The following PHF24 variants were observed in gnomAD, a reference collection of about 807,000 sequenced individuals.
PHF24 encodes the protein Galpha inhibitory interacting protein.
A neutral mutation model predicts 42.6 loss-of-function variants in PHF24; 25 were observed. The observed-to-expected ratio is 0.59, with a 90% CI of 0.43 to 0.82. The LOEUF is 0.82. PHF24 is among the 40% of genes least tolerant of loss of function. The probability of loss-of-function intolerance (pLI) is 0.00; values close to 1 mark genes in which losing one functional copy is unlikely to be tolerated. For synonymous variants in PHF24, 185 were observed against 204.8 expected, an observed-to-expected ratio of 0.90 and a Z score of 0.83; for missense variants, 470 against 538.1, an observed-to-expected ratio of 0.87 and a Z score of 1.25.
chr9:34,718,553 C>T, the PHF24 span, among the ~76,000 whole-genome samples: 1 of 152,238 alleles, frequency 6.6e-6, no homozygotes, highest in Non-Finnish European at 1.5e-5. Context: ...GCTATTCTGG[C>T]CCTTCCATCT....
chr9:34,800,312 G>GA, the PHF24 span, among the ~76,000 whole-genome samples: 1 of 152,018 alleles, frequency 6.6e-6, no homozygotes, highest in Non-Finnish European at 1.5e-5. Context: ...ATTTAGAATG[G>GA]AAAAAATCAT....
chr9:34,777,241 G>A, the PHF24 span, among the ~76,000 whole-genome samples: 2 of 152,150 alleles, frequency 1.3e-5, no homozygotes, highest in Non-Finnish European at 2.9e-5. Context: ...TAGGCTGGGT[G>A]GGTGGGGAGG....
At chr9:34,795,842 AG>A in the PHF24 span, among the ~76,000 whole-genome samples, 1 of 152,094 alleles carries the variant, frequency 6.6e-6, no homozygotes, top group Non-Finnish European at 1.5e-5. Context: ...ACAAAAAATA[AG>A]AAAAGGTATC....
At chr9:34,944,386 C>T in the PHF24 span, among the ~76,000 whole-genome samples, 1 of 152,192 alleles carries the variant, frequency 6.6e-6, no homozygotes, top group Non-Finnish European at 1.5e-5. Flanking sequence ...TTTTGTCTCC[C>T]TTATCAGGTC....
chr9:34,703,407 G>A, the PHF24 span, among the ~76,000 whole-genome samples: 1 of 152,138 alleles, frequency 6.6e-6, no homozygotes, highest in Non-Finnish European at 1.5e-5. Flanking sequence ...GACCTCAGGT[G>A]ATCCACCCGC....
At chr9:34,878,956 C>A in the PHF24 span, among the ~76,000 whole-genome samples, 1 of 152,190 alleles carries the variant, frequency 6.6e-6, no homozygotes, top group East Asian at 1.9e-4. Context: ...GAGACACCTC[C>A]CAGTAGGGGC....
chr9:34,743,765 A>G, the PHF24 span, among the ~76,000 whole-genome samples: 4 of 152,074 alleles, frequency 2.6e-5, no homozygotes, highest in African/African-American at 9.7e-5. Flanking sequence ...CCCTTTCCCT[A>G]TGTCTTAGTC....
chr9:34,942,383 C>T, the PHF24 span, among the ~76,000 whole-genome samples: 1 of 151,994 alleles, frequency 6.6e-6, no homozygotes, highest in Admixed American at 6.6e-5. Context: ...AAAGATATGC[C>T]AACAAACTTC....
the PHF24 span, among the ~76,000 whole-genome samples, chr9:34,821,791 A>G: frequency 3.9e-5 from 6 of 152,284 alleles, no homozygotes; most frequent in South Asian, 1.2e-3. Flanking sequence ...CTCATTTTAT[A>G]TCCACCTTTA....
chr9:34,847,237 G>C, the PHF24 span, among the ~76,000 whole-genome samples: 1 of 152,164 alleles, frequency 6.6e-6, no homozygotes, highest in Non-Finnish European at 1.5e-5. Context: ...CATGAACATG[G>C]AATGTTCTTC....
chr9:34,976,975 G>A, intron 5 of PHF24, 108 bp from the exon 6 acceptor site: 1 of 1,287,394 alleles, frequency 7.8e-7, no homozygotes, highest in Non-Finnish European at 1.1e-6. Flanking sequence ...AAGGGCTCTG[G>A]GCAGCTTCTA....
exon 5 of PHF24, chr9:34,976,592 G>C: frequency 6.2e-7 from 1 of 1,614,186 alleles, no homozygotes; most frequent in South Asian, 1.1e-5. Context: ...GCCAAGCGGG[G>C]GGACCGTGAC....
At chr9:34,770,574 A>T in the PHF24 span, among the ~76,000 whole-genome samples, 1 of 152,200 alleles carries the variant, frequency 6.6e-6, no homozygotes, top group African/African-American at 2.4e-5. Context: ...GACCCAAATT[A>T]ACACATACCC....
rs112785806 is a variant in PHF24 at position 34,966,584 on chromosome 9, C to T, written c.-4-4711C>T. On this transcript the variant is annotated intron_variant, in intron 1 of 7. Transcript: ENST00000242315. ...TAGCCTGGGTAATATGGCGAGACCC[C>T]CCCCCTCGCCCCATCTCAAAATAAA... Among the ~76,000 whole-genome samples, 7 of 139,960 alleles carry T rather than the reference C, an allele frequency of 5.0e-5. No homozygotes were observed. The East Asian group carries it at 1.4e-3, about 27-fold the overall frequency. 91.8% of individuals were successfully genotyped at this position (139,960 alleles called of 152,430 possible).
the PHF24 span, among the ~76,000 whole-genome samples, chr9:34,854,106 G>C: frequency 6.6e-6 from 1 of 151,456 alleles, no homozygotes; most frequent in Non-Finnish European, 1.5e-5. Context: ...TTGTATTTCT[G>C]TGGGGTCAGT....
At chr9:34,954,204 G>A (rs1396914109), upstream of PHF24, among the ~76,000 whole-genome samples, 7 of 152,126 alleles carry the variant, frequency 4.6e-5, no homozygotes, top group South Asian at 2.1e-4. Flanking sequence ...GAACCAAGAC[G>A]TAGGAAGAGC....
the PHF24 span, among the ~76,000 whole-genome samples, chr9:34,873,027 C>T: frequency 2.0e-5 from 3 of 150,308 alleles, no homozygotes; most frequent in African/African-American, 4.9e-5. Context: ...TGTTCATGTC[C>T]TTTGCCCACT....
chr9:34,748,437 C>T, the PHF24 span, among the ~76,000 whole-genome samples: 12 of 152,104 alleles, frequency 7.9e-5, no homozygotes, highest in Non-Finnish European at 1.8e-4. Flanking sequence ...AGTGAGTTCT[C>T]GTGAGATCAG....
chr9:34,710,197 T>A, the PHF24 span: 1 of 701,678 alleles, frequency 1.4e-6, no homozygotes. Context: ...CCTTAACTTA[T>A]CCCCACTCCT....
Sources: gnomAD v4.1 joint callset for allele counts (sites outside exome capture counted in the v4.1 genomes callset) on GRCh38, gnomAD v4.1.1 for gene constraint, MANE v1.5 for transcripts, NCBI Gene and HGNC (gene_info 2026-07-23, HGNC 2026-07-21) for gene names.